The following FOXP1 variants were observed in gnomAD, a reference collection of about 807,000 sequenced individuals.
FOXP1 encodes the protein forkhead box P1.
FOXP1 carries 15 observed loss-of-function variants against 98.2 expected under a neutral mutation model. The ratio of observed to expected loss-of-function variants is 0.15; its 90% CI spans 0.10 to 0.24. The LOEUF is 0.24. FOXP1 is among the 10% of genes least tolerant of loss of function. FOXP1 has a pLI of 1.00. For missense variants in FOXP1, 633 were observed against 848.5 expected, an observed-to-expected ratio of 0.75 and a Z score of 3.15; for synonymous variants, 371 against 314.5, an observed-to-expected ratio of 1.18 and a Z score of -1.90.
chr3:71,244,739 C>G (rs2067581003), intron 5 of FOXP1: 1 of 151,702 alleles, frequency 6.6e-6, no homozygotes, highest in African/African-American at 2.4e-5. Context: ...CACTGCACCT[C>G]TCTGTTTGGG....
intron 6 of FOXP1, among the ~76,000 whole-genome samples, chr3:71,183,588 T>C (rs2062464080): frequency 6.6e-6 from 1 of 152,240 alleles, no homozygotes; most frequent in African/African-American, 2.4e-5. Flanking sequence ...TGATACATTT[T>C]ATTTAGACTA....
At chr3:71,111,220 T>C (rs1388757464) in intron 7 of FOXP1, among the ~76,000 whole-genome samples, 1 of 152,200 alleles carries the variant, frequency 6.6e-6, no homozygotes, top group Admixed American at 6.5e-5. Flanking sequence ...CTACCGCTTA[T>C]AGATTCTGTC....
chr3:71,011,564 A>G (rs2043636713), intron 12 of FOXP1, among the ~76,000 whole-genome samples: 1 of 152,198 alleles, frequency 6.6e-6, no homozygotes, highest in Admixed American at 6.6e-5. Context: ...AGCCAGCTGT[A>G]CCACTGGACT....
chr3:71,156,772 G>T (rs2060844703), intron 6 of FOXP1, among the ~76,000 whole-genome samples: 1 of 151,980 alleles, frequency 6.6e-6, no homozygotes, highest in Non-Finnish European at 1.5e-5. Context: ...GGGCAAAAAA[G>T]AAGACAAAAT....
rs139109353 is a variant in FOXP1 at position 71,362,362 on chromosome 3, G to A, written c.-167-3118C>T. On this transcript the variant is annotated intron_variant, in intron 3 of 20. Coordinates refer to ENST00000649528, the MANE Select transcript of FOXP1 (RefSeq NM_001349338.3). ...AATTTTTTGTATTTTTAGTAGAGGC[G>A]GGGTTTTGCCGTGTTAGCCAGGATG... is the stretch of plus-strand genomic sequence containing the variant. Among the ~76,000 whole-genome samples, 73 of 152,122 alleles carry A rather than the reference G, an allele frequency of 4.8e-4. No individual in the cohort carries two copies. The East Asian group carries it at 0.014, about 29-fold the overall frequency.
intron 5 of FOXP1, among the ~76,000 whole-genome samples, chr3:71,286,677 C>T (rs2072179253): frequency 6.6e-6 from 1 of 152,052 alleles, no homozygotes; most frequent in African/African-American, 2.4e-5. Flanking sequence ...GGGAAAATAT[C>T]GAGGGAGAAT....
intron 7 of FOXP1, among the ~76,000 whole-genome samples, chr3:71,102,985 T>C (rs1383577649): frequency 6.6e-6 from 1 of 152,216 alleles, no homozygotes; most frequent in Non-Finnish European, 1.5e-5. Context: ...TGTACAGTAG[T>C]TGGCTCCTAG....
At chr3:71,238,038 A>G (rs979407263) in intron 5 of FOXP1, among the ~76,000 whole-genome samples, 2 of 152,226 alleles carry the variant, frequency 1.3e-5, no homozygotes, top group Non-Finnish European at 2.9e-5. Context: ...TCCAAAATAT[A>G]AGGTAACTAC....
chr3:71,396,937 CATATATATATGTGTATAT>C lies in FOXP1; in HGVS notation c.-167-37711_-167-37694del, dbSNP rs1296081323. Among the ~76,000 whole-genome samples, 25 of 80,474 alleles carry C rather than the reference CATATATATATGTGTATAT, an allele frequency of 3.1e-4. 3 individuals carry two copies. In the South Asian group the frequency reaches 4.7e-3, roughly 15 times the overall value. The allele number at this position is 80,474 out of a possible 152,430, so 52.8% of individuals were successfully genotyped here. On this transcript the variant is annotated intron_variant, in intron 3 of 20. Coordinates refer to ENST00000649528, the MANE Select transcript of FOXP1 (RefSeq NM_001349338.3). Reference sequence around the variant, plus strand: ...ATGTGTGTATATATATATATATACACATATATATATGTGTATATATATATATGTGTGTATATATATATA... The same window carrying C: ...ATGTGTGTATATATATATATATACACATATATATGTGTGTATATATATATA...
At position 71,234,282 on chromosome 3, in the gene FOXP1, G is replaced by A. The variant is rs576323193; in HGVS notation, c.-11-35890C>T. ...CACCTCAAAACACAACGGAGTAAAA[G>A]GACACTAACCATTCATTATATTCCA... On this transcript the variant is annotated intron_variant, in intron 5 of 20. Transcript: ENST00000649528. 2.0e-5 allele frequency among the ~76,000 whole-genome samples: 3 copies of A among 152,208 alleles called. No individual in the cohort carries two copies. In the South Asian group the frequency reaches 6.2e-4, roughly 32 times the overall value.
chr3:71,531,994 TATTTC>T (rs2043889846), intron 2 of FOXP1, among the ~76,000 whole-genome samples: 1 of 152,254 alleles, frequency 6.6e-6, no homozygotes, highest in African/African-American at 2.4e-5. Context: ...TCCTTTTACT[TATTTC>T]AATGAAATCT....
chr3:71,247,798 C>G (rs1471771591), intron 5 of FOXP1, among the ~76,000 whole-genome samples: 1 of 152,204 alleles, frequency 6.6e-6, no homozygotes, highest in Non-Finnish European at 1.5e-5. Flanking sequence ...GGAGCCATAA[C>G]CCAAGTCTGA....
intron 7 of FOXP1, among the ~76,000 whole-genome samples, chr3:71,083,608 C>T (rs1458571736): frequency 6.6e-6 from 1 of 152,148 alleles, no homozygotes; most frequent in Non-Finnish European, 1.5e-5. Flanking sequence ...GGTTGCTAAG[C>T]TGTAAGTATG....
At chr3:71,530,895 T>C (rs1429480068) in intron 2 of FOXP1, among the ~76,000 whole-genome samples, 3 of 152,152 alleles carry the variant, frequency 2.0e-5, no homozygotes, top group Non-Finnish European at 2.9e-5. Flanking sequence ...CATCCAGGAA[T>C]GGCGAAGGAA....
At chr3:70,966,353 G>A in intron 19 of FOXP1, 1 of 414,722 alleles carries the variant, frequency 2.4e-6, no homozygotes, top group Non-Finnish European at 4.5e-6. Flanking sequence ...CGAATATGAG[G>A]TTTATGTCGG....
At chr3:71,136,936 C>T (rs1484966388) in intron 6 of FOXP1, among the ~76,000 whole-genome samples, 1 of 152,172 alleles carries the variant, frequency 6.6e-6, no homozygotes, top group African/African-American at 2.4e-5. Flanking sequence ...CTATTTCTGA[C>T]CTGTACCACT....
At chr3:71,564,803 A>C (rs1409970629) in intron 2 of FOXP1, among the ~76,000 whole-genome samples, 6 of 152,220 alleles carry the variant, frequency 3.9e-5, no homozygotes, top group Admixed American at 2.0e-4. Context: ...GGAGGATGGA[A>C]ATTGAAAAGA....
intron 20 of FOXP1, among the ~76,000 whole-genome samples, chr3:70,961,675 AG>A (rs1351984154): frequency 6.6e-6 from 1 of 152,050 alleles, no homozygotes; most frequent in Non-Finnish European, 1.5e-5. Flanking sequence ...AGTAAGAATT[AG>A]GACTGGCTGC....
At chr3:71,013,948 T>C (rs911451440) in intron 12 of FOXP1, among the ~76,000 whole-genome samples, 1 of 152,178 alleles carries the variant, frequency 6.6e-6, no homozygotes, top group African/African-American at 2.4e-5. Flanking sequence ...GCTAGCCATA[T>C]GGAGAAAGCT....
Sources: gnomAD v4.1 joint callset for allele counts (sites outside exome capture counted in the v4.1 genomes callset) on GRCh38, gnomAD v4.1.1 for gene constraint, MANE v1.5 for transcripts, NCBI Gene and HGNC (gene_info 2026-07-23, HGNC 2026-07-21) for gene names.